The following ENTREP2 variants were observed in gnomAD, a reference collection of about 807,000 sequenced individuals.
ENTREP2 encodes endosomal transmembrane epsin interactor 2.
the ENTREP2 span, among the ~76,000 whole-genome samples, chr15:29,329,362 C>CAA: frequency 1.0e-3 from 101 of 98,492 alleles, no homozygotes; most frequent in African/African-American, 2.6e-3. Flanking sequence ...GGCTCCGTCT[C>CAA]AAAAAAAAAA....
chr15:29,562,435 G>A, the ENTREP2 span, among the ~76,000 whole-genome samples: 1 of 152,172 alleles, frequency 6.6e-6, no homozygotes, highest in African/African-American at 2.4e-5. Context: ...AAAACACTGA[G>A]AAAAAGACTA....
At chr15:29,538,638 C>CAAAA in the ENTREP2 span, among the ~76,000 whole-genome samples, 4 of 79,000 alleles carry the variant, frequency 5.1e-5, no homozygotes, top group East Asian at 3.8e-4. Flanking sequence ...ACTAAAAATA[C>CAAAA]AAAAAAAAAA....
At chr15:29,255,808 T>C in the ENTREP2 span, among the ~76,000 whole-genome samples, 15 of 152,192 alleles carry the variant, frequency 9.9e-5, no homozygotes, top group Admixed American at 7.2e-4. Context: ...GAGACCATCC[T>C]GGCTAACACG....
the ENTREP2 span, among the ~76,000 whole-genome samples, chr15:29,598,789 C>T: frequency 1.3e-5 from 2 of 152,104 alleles, no homozygotes; most frequent in African/African-American, 2.4e-5. Context: ...CTTCACCTCT[C>T]AGGTTCACGC....
chr15:29,621,981 G>A, the ENTREP2 span, among the ~76,000 whole-genome samples: 17 of 152,146 alleles, frequency 1.1e-4, no homozygotes, highest in African/African-American at 3.4e-4. Context: ...CAAATACCGC[G>A]TTATTCCACT....
the ENTREP2 span, among the ~76,000 whole-genome samples, chr15:29,674,161 T>G: frequency 2.4e-4 from 31 of 129,224 alleles, no homozygotes; most frequent in African/African-American, 8.7e-4. Context: ...AGCAGTCAAG[T>G]CCTGTGCCCC....
At chr15:29,516,290 T>C in the ENTREP2 span, among the ~76,000 whole-genome samples, 1 of 152,204 alleles carries the variant, frequency 6.6e-6, no homozygotes, top group African/African-American at 2.4e-5. Context: ...ACTGAACCCC[T>C]GCCTTGGAAT....
the ENTREP2 span, among the ~76,000 whole-genome samples, chr15:29,358,729 C>T: frequency 7.9e-5 from 12 of 151,726 alleles, no homozygotes; most frequent in East Asian, 3.9e-4. Flanking sequence ...GCACTCTCAA[C>T]GTGGTATTTA....
At chr15:29,641,271 C>A in the ENTREP2 span, among the ~76,000 whole-genome samples, 1 of 152,096 alleles carries the variant, frequency 6.6e-6, no homozygotes, top group African/African-American at 2.4e-5. Flanking sequence ...TCTGTTCTTG[C>A]CACCTCTACT....
the ENTREP2 span, among the ~76,000 whole-genome samples, chr15:29,648,458 T>C: frequency 5.3e-5 from 8 of 152,156 alleles, no homozygotes; most frequent in Non-Finnish European, 7.4e-5. Context: ...TGTGTCAGTG[T>C]TATCATCTCA....
chr15:29,215,823 T>C, the ENTREP2 span, among the ~76,000 whole-genome samples: 1 of 152,018 alleles, frequency 6.6e-6, no homozygotes, highest in African/African-American at 2.4e-5. Flanking sequence ...CAGCAGATGG[T>C]TGTTGAGTTC....
the ENTREP2 span, chr15:29,195,120 A>G: frequency 1.4e-5 from 14 of 985,238 alleles, no homozygotes; most frequent in Non-Finnish European, 1.7e-5. Context: ...ACCTGGTCCC[A>G]TGATGGGATG....
chr15:29,290,438 A>G, the ENTREP2 span, among the ~76,000 whole-genome samples: 1 of 151,876 alleles, frequency 6.6e-6, no homozygotes, highest in Non-Finnish European at 1.5e-5. Flanking sequence ...CCATGTCCAT[A>G]CTCCCGAGGT....
chr15:29,629,533 T>A, the ENTREP2 span, among the ~76,000 whole-genome samples: 1 of 152,220 alleles, frequency 6.6e-6, no homozygotes, highest in Non-Finnish European at 1.5e-5. Flanking sequence ...CTACTAGTAT[T>A]GACATTTACC....
At chr15:29,625,864 T>C in the ENTREP2 span, among the ~76,000 whole-genome samples, 1 of 151,542 alleles carries the variant, frequency 6.6e-6, no homozygotes, top group Non-Finnish European at 1.5e-5. Flanking sequence ...TCTTTTCTTT[T>C]TTATTTTATT....
the ENTREP2 span, among the ~76,000 whole-genome samples, chr15:29,455,457 G>A: frequency 6.6e-6 from 1 of 152,164 alleles, no homozygotes; most frequent in Non-Finnish European, 1.5e-5. Context: ...TACTATTATT[G>A]TCTTGGGATC....
the ENTREP2 span, among the ~76,000 whole-genome samples, chr15:29,305,227 A>G: frequency 0.37 from 55,966 of 152,114 alleles, 11,033 homozygotes; most frequent in African/African-American, 0.54. Flanking sequence ...CTCTGCCAGA[A>G]TTTCTGGTTC....
the ENTREP2 span, chr15:29,195,028 C>G: frequency 1.3e-6 from 1 of 776,896 alleles, no homozygotes; most frequent in Non-Finnish European, 1.6e-6. Context: ...AAGGCCACAG[C>G]AGACCTCAGG....
chr15:29,619,645 A>G, the ENTREP2 span, among the ~76,000 whole-genome samples: 14 of 152,142 alleles, frequency 9.2e-5, no homozygotes, highest in South Asian at 1.0e-3. Context: ...TCATTGCAGT[A>G]GTGGACAAAT....
Sources: gnomAD v4.1 joint callset for allele counts (sites outside exome capture counted in the v4.1 genomes callset) on GRCh38, gnomAD v4.1.1 for gene constraint, MANE v1.5 for transcripts, NCBI Gene and HGNC (gene_info 2026-07-23, HGNC 2026-07-21) for gene names.